CNTN5: variants seen among roughly 807,000 people sequenced by gnomAD.
CNTN5 encodes the protein contactin-5.
A neutral mutation model predicts 129.1 loss-of-function variants in CNTN5; 77 were observed. That is an observed-to-expected ratio of 0.60 (90% CI 0.50 to 0.72). CNTN5 has a LOEUF of 0.72. Ranked by LOEUF, CNTN5 falls within the 30% of genes least tolerant of loss-of-function variation. The probability of loss-of-function intolerance (pLI) is 0.00; values close to 1 mark genes in which losing one functional copy is unlikely to be tolerated. For synonymous variants in CNTN5, 509 were observed against 465.6 expected (o/e 1.09, Z -1.20); for missense variants, 1,478 against 1,328.8 (o/e 1.11, Z -1.75).
chr11:100,291,748 TAATAATAAATA>T (rs1950978608), intron 18 of CNTN5, among the ~76,000 whole-genome samples: 2 of 105,952 alleles, frequency 1.9e-5, no homozygotes, highest in South Asian at 3.4e-4. Context: ...ACGTAAAGTA[TAATAATAAATA>T]AATAAATAAA....
intron 8 of CNTN5, among the ~76,000 whole-genome samples, chr11:99,998,533 T>A (rs1228266911): frequency 2.9e-5 from 4 of 137,010 alleles, no homozygotes; most frequent in East Asian, 2.6e-4. Context: ...AGAACATTCC[T>A]TGCTCATGGG....
chr11:99,498,799 G>T lies in CNTN5; in HGVS notation c.-70-57346G>T, dbSNP rs570670852. Reference sequence around the variant, plus strand: ...CCTTCTTCCCTTGAAGGAGGTAAAAGAAATAATTTTTCTTCTTGTGCACAT... The same window carrying T: ...CCTTCTTCCCTTGAAGGAGGTAAAATAAATAATTTTTCTTCTTGTGCACAT... On this transcript the variant is annotated intron_variant, in intron 2 of 24. Coordinates refer to ENST00000524871, the MANE Select transcript of CNTN5 (RefSeq NM_014361.4). Among the ~76,000 whole-genome samples, 4 of 152,276 alleles carry T rather than the reference G, an allele frequency of 2.6e-5. No individual in the cohort carries two copies. In the East Asian group the frequency reaches 5.8e-4, roughly 22 times the overall value.
intron 3 of CNTN5, among the ~76,000 whole-genome samples, chr11:99,657,666 T>C (rs1952428847): frequency 6.6e-6 from 1 of 152,152 alleles, no homozygotes; most frequent in South Asian, 2.1e-4. Context: ...TTTTAGGTAC[T>C]TGACAAGTTG....
In CNTN5 at chr11:99,785,578, C is replaced by T. The variant is rs74650182; in HGVS notation, c.56-33966C>T. 6.2e-3 allele frequency among the ~76,000 whole-genome samples: 939 copies of T among 152,184 alleles called. 17 individuals carry two copies. Among genetic ancestry groups the T allele is most frequent in the African/African-American group, 0.021 (885 of 41,548 alleles). ...TCAGGCCGATATTCCTGATGAACAT[C>T]GACGCAAATATCCTCAATAAAATCA... On this transcript the variant is annotated intron_variant, in intron 3 of 24. Transcript: ENST00000524871.
chr11:100,214,641 CT>C (rs1398344014), intron 15 of CNTN5, among the ~76,000 whole-genome samples: 1 of 152,160 alleles, frequency 6.6e-6, no homozygotes, highest in Non-Finnish European at 1.5e-5. Context: ...CAACAGTCTC[CT>C]TGAGGCCCTT....
chr11:100,216,699 C>T lies in CNTN5; in HGVS notation c.1885-7993C>T, dbSNP rs558122548. 3.3e-5 allele frequency among the ~76,000 whole-genome samples: 5 copies of T among 152,106 alleles called. No individual in the cohort carries two copies. In the South Asian group the frequency reaches 1.0e-3, roughly 32 times the overall value. On this transcript the variant is annotated intron_variant, in intron 15 of 24. Coordinates refer to ENST00000524871, the MANE Select transcript of CNTN5 (RefSeq NM_014361.4). ...CTATGCAGCCTTTTATGCCTAGATG[C>T]GGTTGATGAAAACAGTCATAAAAGC...
At chr11:99,881,898 A>T (rs1948781375) in intron 6 of CNTN5, among the ~76,000 whole-genome samples, 1 of 152,030 alleles carries the variant, frequency 6.6e-6, no homozygotes, top group South Asian at 2.1e-4. Flanking sequence ...CTCCTATCTC[A>T]TCTTGTTCAT....
chr11:99,320,399 G>T (rs892498293), intron 1 of CNTN5, among the ~76,000 whole-genome samples: 1 of 152,166 alleles, frequency 6.6e-6, no homozygotes, highest in Non-Finnish European at 1.5e-5. Context: ...ATAGTTCCTA[G>T]TGTCAGTTTT....
chr11:100,286,062 G>A (rs574302999), intron 18 of CNTN5, among the ~76,000 whole-genome samples: 120 of 152,302 alleles, frequency 7.9e-4, no homozygotes, highest in African/African-American at 2.9e-3. Context: ...TTAAAAAACG[G>A]CCCAACACGA....
chr11:99,899,408 A>G (rs770712705), intron 6 of CNTN5, among the ~76,000 whole-genome samples: 13 of 151,886 alleles, frequency 8.6e-5, no homozygotes, highest in African/African-American at 3.1e-4. Context: ...CATCTATGCT[A>G]GTTTGTTGAG....
At chr11:99,128,731 G>T (rs1420224233) in intron 1 of CNTN5, among the ~76,000 whole-genome samples, 1 of 152,192 alleles carries the variant, frequency 6.6e-6, no homozygotes, top group Non-Finnish European at 1.5e-5. Context: ...GCTGGCATCA[G>T]GTCGGTGCCC....
chr11:99,420,170 G>C (rs1591652901), intron 2 of CNTN5, among the ~76,000 whole-genome samples: 1 of 151,988 alleles, frequency 6.6e-6, no homozygotes, highest in Non-Finnish European at 1.5e-5. Flanking sequence ...TGACTGGTAC[G>C]GTGGTTTGGT....
chr11:99,736,277 T>A (rs1943707927), intron 3 of CNTN5, among the ~76,000 whole-genome samples: 1 of 152,164 alleles, frequency 6.6e-6, no homozygotes, highest in Non-Finnish European at 1.5e-5. Flanking sequence ...TTAGCTAGGT[T>A]TCTCAGACTT....
At chr11:99,963,164 T>G in intron 8 of CNTN5, among the ~76,000 whole-genome samples, 1 of 152,132 alleles carries the variant, frequency 6.6e-6, no homozygotes, top group Non-Finnish European at 1.5e-5. Context: ...TTAGTTTAAT[T>G]AGATCCCATT....
chr11:99,099,841 G>C (rs1452954594), intron 1 of CNTN5, among the ~76,000 whole-genome samples: 1 of 152,104 alleles, frequency 6.6e-6, no homozygotes, highest in Non-Finnish European at 1.5e-5. Context: ...AACATTAGCT[G>C]TTATCATTGC....
chr11:100,024,599 G>T (rs560951077), intron 9 of CNTN5, among the ~76,000 whole-genome samples: 1 of 152,296 alleles, frequency 6.6e-6, no homozygotes, highest in Non-Finnish European at 1.5e-5. Context: ...AATGCTGATA[G>T]TGATATGGAC....
intron 1 of CNTN5, among the ~76,000 whole-genome samples, chr11:99,283,170 A>C (rs1863774756): frequency 6.6e-6 from 1 of 152,010 alleles, no homozygotes; most frequent in Admixed American, 6.6e-5. Flanking sequence ...TGTGACCACT[A>C]CCTCTGGGAA....
chr11:99,466,405 C>T (rs1183884080), intron 2 of CNTN5, among the ~76,000 whole-genome samples: 1 of 152,136 alleles, frequency 6.6e-6, no homozygotes, highest in African/African-American at 2.4e-5. Flanking sequence ...CTAAAAAATT[C>T]ACTTTACCTT....
intron 21 of CNTN5, among the ~76,000 whole-genome samples, chr11:100,315,235 C>T (rs922095509): frequency 2.6e-5 from 4 of 152,168 alleles, no homozygotes; most frequent in African/African-American, 9.7e-5. Flanking sequence ...GCATTTTGGC[C>T]TTTCGCAAGG....
Sources: allele counts gnomAD v4.1 joint callset (sites outside exome capture counted in the v4.1 genomes callset), GRCh38; gene constraint gnomAD v4.1.1; transcripts MANE v1.5; gene names NCBI Gene and HGNC (gene_info 2026-07-23, HGNC 2026-07-21).